AUTS2: variants seen among roughly 807,000 people sequenced by gnomAD.
AUTS2 encodes autism susceptibility gene 2 protein.
Under a neutral mutation model 112.4 loss-of-function variants are expected in AUTS2, and 17 were observed. The ratio of observed to expected loss-of-function variants is 0.15; its 90% CI spans 0.10 to 0.23. The LOEUF is 0.23. Ranked by LOEUF, AUTS2 falls within the 10% of genes least tolerant of loss-of-function variation. The probability of loss-of-function intolerance (pLI) is 1.00; values close to 1 mark genes in which losing one functional copy is unlikely to be tolerated. For synonymous variants in AUTS2, 751 were observed against 702.7 expected (o/e 1.07, Z -1.09); for missense variants, 1,510 against 1,701.6 (o/e 0.89, Z 1.98).
intron 4 of AUTS2, among the ~76,000 whole-genome samples, chr7:70,176,482 C>G (rs1302827542): frequency 2.0e-5 from 3 of 152,164 alleles, no homozygotes; most frequent in African/African-American, 7.2e-5. Context: ...ATGATTCTGC[C>G]TGTGCAAACA....
chr7:70,703,423 A>C, intron 6 of AUTS2, among the ~76,000 whole-genome samples: 1 of 148,376 alleles, frequency 6.7e-6, no homozygotes, highest in East Asian at 2.0e-4. Context: ...TTGGGCCCAC[A>C]AGGTCGAGGC....
chr7:70,126,170 G>A (rs976254253), intron 3 of AUTS2, among the ~76,000 whole-genome samples: 4 of 152,214 alleles, frequency 2.6e-5, no homozygotes, highest in Admixed American at 2.6e-4. Context: ...TGCAATCCCA[G>A]CACTTTTGGA....
intron 2 of AUTS2, among the ~76,000 whole-genome samples, chr7:69,989,758 C>T (rs1268419075): frequency 6.6e-6 from 1 of 152,180 alleles, no homozygotes; most frequent in Non-Finnish European, 1.5e-5. Context: ...GGAACTGGTA[C>T]CTGTCCATAG....
intron 5 of AUTS2, among the ~76,000 whole-genome samples, chr7:70,453,425 C>T (rs1373052799): frequency 2.6e-5 from 4 of 152,182 alleles, no homozygotes; most frequent in African/African-American, 9.7e-5. Context: ...AGGATGTGTT[C>T]AGTTTAAGTA....
At chr7:70,038,184 G>A (rs1341945314) in intron 2 of AUTS2, among the ~76,000 whole-genome samples, 2 of 152,082 alleles carry the variant, frequency 1.3e-5, no homozygotes, top group Non-Finnish European at 2.9e-5. Flanking sequence ...GCAATGTGGA[G>A]CTTACTTGCA....
intron 5 of AUTS2, among the ~76,000 whole-genome samples, chr7:70,676,440 AAGAGAG>A (rs144253423): frequency 6.7e-6 from 1 of 150,302 alleles, no homozygotes; most frequent in Non-Finnish European, 1.5e-5. Flanking sequence ...TCAAAAAATA[AAGAGAG>A]AGAGAGAGAG....
Position 70,714,939 on chromosome 7 carries a change from A to C in AUTS2, c.742+16319A>C, listed in dbSNP as rs548433142. ...GTGGCAACCTGATACTTGCATTGGC[A>C]TGTTCCCCGTCAAGCTTTTATCTCA... On this transcript the variant is annotated intron_variant, in intron 6 of 18. Coordinates refer to ENST00000342771, the MANE Select transcript of AUTS2 (RefSeq NM_015570.4). Among the ~76,000 whole-genome samples, 4 of 152,184 alleles carry C rather than the reference A, an allele frequency of 2.6e-5. No homozygotes were observed. The East Asian group carries it at 7.7e-4, about 29-fold the overall frequency.
chr7:69,610,555 C>T (rs755247459), intron 1 of AUTS2, among the ~76,000 whole-genome samples: 1 of 152,180 alleles, frequency 6.6e-6, no homozygotes, highest in East Asian at 1.9e-4. Flanking sequence ...GTTTCCTGCA[C>T]GTGTTCCCGG....
chr7:70,764,611 G>A (rs903272274), intron 7 of AUTS2, 141 bp from the exon 8 acceptor site: 470 of 624,974 alleles, frequency 7.5e-4, no homozygotes, highest in Admixed American at 7.2e-4. Context: ...AAGTGTGCTC[G>A]TACAGGGAGG....
At chr7:70,237,865 A>G (rs896886915) in intron 4 of AUTS2, among the ~76,000 whole-genome samples, 1 of 152,142 alleles carries the variant, frequency 6.6e-6, no homozygotes, top group African/African-American at 2.4e-5. Context: ...CTCGGCACAT[A>G]CTTAATTTGG....
chr7:70,350,476 A>G (rs1033275349), intron 4 of AUTS2, among the ~76,000 whole-genome samples: 1 of 152,158 alleles, frequency 6.6e-6, no homozygotes, highest in Non-Finnish European at 1.5e-5. Context: ...AAGGAGGTGC[A>G]AAAGTACGTC....
chr7:69,792,358 G>A (rs949692124), intron 1 of AUTS2, among the ~76,000 whole-genome samples: 1 of 151,754 alleles, frequency 6.6e-6, no homozygotes, highest in Non-Finnish European at 1.5e-5. Flanking sequence ...TCCTGCCTCA[G>A]CCTCCCGAGT....
At chr7:70,222,888 C>CTTT (rs200649101) in intron 4 of AUTS2, among the ~76,000 whole-genome samples, 4 of 130,170 alleles carry the variant, frequency 3.1e-5, no homozygotes, top group South Asian at 2.5e-4. Context: ...TGGAAATTTG[C>CTTT]TTTTTTTTTT....
chr7:70,106,175 C>T (rs1304209733), intron 2 of AUTS2, among the ~76,000 whole-genome samples: 1 of 152,208 alleles, frequency 6.6e-6, no homozygotes, highest in Non-Finnish European at 1.5e-5. Flanking sequence ...GTGAAAGTCA[C>T]TTGCTACATG....
intron 1 of AUTS2, among the ~76,000 whole-genome samples, chr7:69,871,335 C>G (rs1053229224): frequency 3.3e-5 from 5 of 152,160 alleles, no homozygotes; most frequent in Non-Finnish European, 5.9e-5. Flanking sequence ...GTCTGTCTTT[C>G]CTCTGGCTTC....
At chr7:69,899,216 C>T in intron 1 of AUTS2, 70 bp from the exon 2 acceptor site, 3 of 1,167,252 alleles carry the variant, frequency 2.6e-6, no homozygotes, top group Non-Finnish European at 3.8e-6. Flanking sequence ...AGTATTTAGC[C>T]TATATTTTGG....
chr7:70,562,142 G>C (rs1307144067), intron 5 of AUTS2, among the ~76,000 whole-genome samples: 2 of 152,158 alleles, frequency 1.3e-5, no homozygotes, highest in Non-Finnish European at 2.9e-5. Context: ...CATAATTCTT[G>C]TACAAGCTGC....
chr7:70,470,241 G>A (rs769949779), intron 5 of AUTS2, among the ~76,000 whole-genome samples: 11 of 152,160 alleles, frequency 7.2e-5, no homozygotes, highest in Admixed American at 5.2e-4. Context: ...AAGCTTCCTG[G>A]ATGAACTCAG....
intron 6 of AUTS2, among the ~76,000 whole-genome samples, chr7:70,721,485 A>G (rs1177375379): frequency 6.6e-6 from 1 of 152,152 alleles, no homozygotes; most frequent in African/African-American, 2.4e-5. Flanking sequence ...CTTTTAGTAG[A>G]GACCGGTTTT....
Sources: allele counts gnomAD v4.1 joint callset (sites outside exome capture counted in the v4.1 genomes callset), GRCh38; gene constraint gnomAD v4.1.1; transcripts MANE v1.5; gene names NCBI Gene and HGNC (gene_info 2026-07-23, HGNC 2026-07-21).